The following JHY variants were observed in gnomAD, a reference collection of about 807,000 sequenced individuals.
JHY encodes jhy protein homolog.
A neutral mutation model predicts 78.0 loss-of-function variants in JHY; 69 were observed. The ratio of observed to expected loss-of-function variants is 0.88; its 90% confidence interval spans 0.73 to 1.08. The LOEUF (loss-of-function observed/expected upper bound fraction) is 1.08, where lower values mean the gene tolerates loss of function less well. Among genes scored for constraint, JHY ranks in the 50% least tolerant of loss-of-function variants. JHY has a pLI of 0.00. For missense variants in JHY, 944 were observed against 927.8 expected, an observed-to-expected ratio of 1.02 and a Z score of -0.23; for synonymous variants, 368 against 342.6, an observed-to-expected ratio of 1.07 and a Z score of -0.82.
chr11:122,946,839 T>A, intron 6 of JHY, 47 bp downstream of exon 6: 1 of 1,556,356 alleles, frequency 6.4e-7, no homozygotes, highest in South Asian at 1.3e-5. Context: ...ATTTTGAGAA[T>A]ACAGATGGAC....
At chr11:122,923,709 AT>A (rs11351647) in intron 3 of JHY, among the ~76,000 whole-genome samples, 13,259 of 151,266 alleles carry the variant, frequency 0.088, 1,149 homozygotes, top group African/African-American at 0.23. Context: ...TTATTTATTT[AT>A]CTATTTATAT....
Position 122,883,170 on chromosome 11 carries a change from G to C in JHY, c.-90+198G>C. On this transcript the variant is annotated intron_variant, in intron 1 of 8. Transcript: ENST00000227349. This position sits in a 1 kb window ranked among gnomAD's most constrained non-coding sequence, Gnocchi z 4.4. ...AGGGGCTGGGGGGCCGCCATGCGAG[G>C]CTTCGGCGCCCGGGCACCCAGAGCA... 6.6e-6 allele frequency among the ~76,000 whole-genome samples: 1 copy of C among 152,166 alleles called. No individual in the cohort carries two copies. Among genetic ancestry groups the C allele is most frequent in the Non-Finnish European group, 1.5e-5 (1 of 68,018 alleles).
intron 5 of JHY, among the ~76,000 whole-genome samples, chr11:122,937,813 C>T (rs983969448): frequency 6.6e-6 from 1 of 152,154 alleles, no homozygotes; most frequent in African/African-American, 2.4e-5. Flanking sequence ...AGAACATCCT[C>T]CATTGCTTGA....
At chr11:122,885,679 T>A in intron 1 of JHY, 82 bp from the exon 2 acceptor site, 1 of 587,998 alleles carries the variant, frequency 1.7e-6, no homozygotes, top group South Asian at 2.4e-5. Context: ...CAAGGTTCTC[T>A]TACTCATTTA....
At chr11:122,923,263 C>G (rs1381660743) in intron 3 of JHY, among the ~76,000 whole-genome samples, 2 of 152,174 alleles carry the variant, frequency 1.3e-5, no homozygotes, top group Non-Finnish European at 2.9e-5. Flanking sequence ...TTCTGGCATT[C>G]AGGTTGCTCA....
chr11:122,910,672 TA>T (rs1264300007), intron 3 of JHY, among the ~76,000 whole-genome samples: 1 of 152,168 alleles, frequency 6.6e-6, no homozygotes, highest in Non-Finnish European at 1.5e-5. Flanking sequence ...TTTTAAAAAT[TA>T]AAATGGAAAA....
intron 3 of JHY, among the ~76,000 whole-genome samples, chr11:122,907,514 C>G (rs1439421517): frequency 6.6e-6 from 1 of 152,066 alleles, no homozygotes; most frequent in Non-Finnish European, 1.5e-5. Context: ...AGTTTGCTAA[C>G]CTGGCTAGAT....
Position 122,883,359 on chromosome 11 carries a change from A to T in JHY, c.-90+387A>T, listed in dbSNP as rs542423305. Among the ~76,000 whole-genome samples the T allele has an allele frequency of 6.6e-6, 1 of 152,280 alleles. No individual in the cohort carries two copies. The highest frequency in any genetic ancestry group is 1.9e-4 in the East Asian group (1 of 5,158). ...GGCAGCTTCCGGCCTGTTTCAAACC[A>T]GGGTTCGTTCCTTTTTCTTTACGAT... On this transcript the variant is annotated intron_variant, in intron 1 of 8. Transcript: ENST00000227349. This position sits in a 1 kb window ranked among gnomAD's most constrained non-coding sequence, Gnocchi z 4.4.
At chr11:122,897,579 A>C (rs1181994388) in intron 2 of JHY, among the ~76,000 whole-genome samples, 1 of 152,252 alleles carries the variant, frequency 6.6e-6, no homozygotes, top group African/African-American at 2.4e-5. Context: ...TGAAGCACAG[A>C]AGTTAAATAA....
At chr11:122,907,789 C>T (rs1283030909) in intron 3 of JHY, among the ~76,000 whole-genome samples, 1 of 146,356 alleles carries the variant, frequency 6.8e-6, no homozygotes, top group Non-Finnish European at 1.5e-5. Flanking sequence ...GCCGAGATTG[C>T]ACCATTGCAC....
intron 4 of JHY, among the ~76,000 whole-genome samples, chr11:122,930,955 G>A (rs919980384): frequency 2.6e-5 from 4 of 152,156 alleles, no homozygotes; most frequent in African/African-American, 4.8e-5. Flanking sequence ...CAGTTTCTAT[G>A]TCTGGTGAGG....
intron 2 of JHY, among the ~76,000 whole-genome samples, chr11:122,899,249 C>A (rs1177960676): frequency 3.3e-5 from 5 of 152,166 alleles, no homozygotes; most frequent in Non-Finnish European, 7.3e-5. Context: ...AATGAATGAG[C>A]AAATTGAATT....
intron 2 of JHY, among the ~76,000 whole-genome samples, chr11:122,899,593 T>C (rs1862805326): frequency 6.6e-6 from 1 of 152,224 alleles, no homozygotes; most frequent in Non-Finnish European, 1.5e-5. Context: ...TTGACTCTTC[T>C]GTCCATAGCA....
intron 4 of JHY, among the ~76,000 whole-genome samples, chr11:122,925,698 A>G (rs556744405): frequency 6.6e-6 from 1 of 152,066 alleles, no homozygotes; most frequent in East Asian, 1.9e-4. Context: ...CTTGGCCAAC[A>G]TAGTGAAACC....
chr11:122,934,642 C>T lies in JHY; in HGVS notation c.1201C>T (p.Gln401Ter). Reference protein sequence around the residue: ...QNNPPRQQQNQNKPLDTSTKP... With the variant: ...QNNPPRQQQN The stretch of plus-strand genomic sequence containing the variant: ...TAACCCTCCCAGGCAGCAACAAAAC[C>T]AAAATAAGCCTCTTGATACTTCAAC... Residue 401 changes from glutamine (Q) to a stop codon, truncating the protein, a stop_gained, in exon 5 of 9, where the codon CAA (glutamine) becomes TAA (stop). Transcript: ENST00000227349. LOFTEE classifies it high-confidence loss of function. 1 of 1,614,068 alleles carries T rather than the reference C, an allele frequency of 6.2e-7. No homozygotes were observed. The highest frequency in any genetic ancestry group is 8.5e-7 in the Non-Finnish European group (1 of 1,180,004).
intron 5 of JHY, among the ~76,000 whole-genome samples, chr11:122,941,224 A>C (rs534241714): frequency 6.6e-6 from 1 of 152,326 alleles, no homozygotes; most frequent in South Asian, 2.1e-4. Flanking sequence ...TCTAGACTCA[A>C]GATCTCAGCA....
In JHY at chr11:122,959,503, A is replaced by C. The variant is rs2135387770; in HGVS notation, c.*58A>C. On this transcript the variant is annotated 3_prime_UTR_variant, in exon 9 of 9. Coordinates refer to ENST00000227349, the MANE Select transcript of JHY (RefSeq NM_024806.4). ...TCCAGGAATGAACGTGGAGAAAAGA[A>C]ACGCCAACCACCTTCTCTGCGTTGA... The C allele has an allele frequency of 6.7e-7, 1 of 1,492,584 alleles. No homozygotes were observed. 92.5% of individuals were successfully genotyped at this position (1,492,584 alleles called of 1,614,324 possible).
At chr11:122,913,475 G>C (rs1490103276) in intron 3 of JHY, among the ~76,000 whole-genome samples, 2 of 151,984 alleles carry the variant, frequency 1.3e-5, no homozygotes, top group African/African-American at 4.8e-5. Context: ...TCCTGACCTG[G>C]CTCCTTCCTG....
chr11:122,962,593 G>A lies in JHY; in HGVS notation c.*3148G>A, dbSNP rs1251579578. Among the ~76,000 whole-genome samples, 1 of 152,208 alleles carries A rather than the reference G, an allele frequency of 6.6e-6. No individual in the cohort carries two copies. The highest frequency in any genetic ancestry group is 1.9e-4 in the East Asian group (1 of 5,202). On this transcript the variant is annotated 3_prime_UTR_variant, in exon 9 of 9. Coordinates refer to ENST00000227349, the MANE Select transcript of JHY (RefSeq NM_024806.4). ...ATGAAGACATTTCTAGAAATATGAGGTAGAATGAATAACCTTCATTAATTG... is the reference window on the plus strand; with the variant it reads ...ATGAAGACATTTCTAGAAATATGAGATAGAATGAATAACCTTCATTAATTG...
Sources: allele counts gnomAD v4.1 joint callset (sites outside exome capture counted in the v4.1 genomes callset), GRCh38; gene constraint gnomAD v4.1.1; non-coding constraint Gnocchi (gnomAD v3.1); transcripts MANE v1.5; gene names NCBI Gene and HGNC (gene_info 2026-07-23, HGNC 2026-07-21).